The following DST variants were observed in gnomAD, a reference collection of about 807,000 sequenced individuals.
DST encodes bullous pemphigoid antigen.
DST carries 253 observed loss-of-function variants against 875.2 expected under a neutral mutation model. That is an observed-to-expected ratio of 0.29 (90% CI 0.26 to 0.32). The LOEUF is 0.32. Ranked by LOEUF, DST falls within the 10% of genes least tolerant of loss-of-function variation. The pLI is 1.00. For missense variants in DST, 8,287 were observed against 9,111.6 expected, an observed-to-expected ratio of 0.91 and a Z score of 3.68; for synonymous variants, 3,124 against 3,197.1, an observed-to-expected ratio of 0.98 and a Z score of 0.77.
intron 2 of DST, among the ~76,000 whole-genome samples, chr6:56,937,428 G>C (rs1034744290): frequency 6.6e-6 from 1 of 152,180 alleles, no homozygotes; most frequent in Non-Finnish European, 1.5e-5. Context: ...AACATCATTA[G>C]TCTTTAGGGA....
At chr6:56,900,682 C>T in intron 2 of DST, 61 bp from the exon 3 acceptor site, 1 of 1,257,010 alleles carries the variant, frequency 8.0e-7, no homozygotes, top group East Asian at 5.0e-5. Flanking sequence ...TGGAAGTTCT[C>T]CATGGCTAGT....
At chr6:56,899,243 T>C (rs557243540) in intron 3 of DST, among the ~76,000 whole-genome samples, 2 of 152,368 alleles carry the variant, frequency 1.3e-5, no homozygotes, top group Non-Finnish European at 2.9e-5. Context: ...GCATGTTTGT[T>C]GAATGAGTAA....
At chr6:56,591,698 C>T (rs570643683) in intron 49 of DST, among the ~76,000 whole-genome samples, 2 of 152,116 alleles carry the variant, frequency 1.3e-5, no homozygotes, top group Non-Finnish European at 2.9e-5. Flanking sequence ...GAAGGCTGGG[C>T]GCGGTGGTTC....
At chr6:56,761,214 C>A (rs2099616434) in intron 4 of DST, among the ~76,000 whole-genome samples, 1 of 152,216 alleles carries the variant, frequency 6.6e-6, no homozygotes, top group African/African-American at 2.4e-5. Context: ...CCAGTCAAGC[C>A]TTCAGAGGAC....
rs2097721572 is a variant in DST at position 56,568,553 on chromosome 6, T to G, written c.13921A>C (p.Lys4641Gln). 1.2e-6 allele frequency: 2 copies of G among 1,612,324 alleles called. No individual in the cohort carries two copies. Among genetic ancestry groups the G allele is most frequent in the Admixed American group, 1.7e-5 (1 of 59,896 alleles). ...KWSLKTPEIQ[K>Q]VNNSGISLCN... The stretch of plus-strand genomic sequence containing the variant: ...AGTGAGATCCCACTGTTGTTTACTT[T>G]CTGAATCTCTGGTGTTTTTAAACTC... The change falls in exon 55 of 104, where the codon AAA becomes CAA. Residue 4641 changes from lysine (K) to glutamine (Q), a missense_variant. Physicochemically the swap from Lys to Gln is moderately conservative, Grantham distance 53 (BLOSUM62 1). Coordinates refer to ENST00000680361, the MANE Select transcript of DST (RefSeq NM_001374736.1).
At chr6:56,489,440 A>C (rs771736769) in intron 86 of DST, 50 bp downstream of exon 86, 1 of 1,560,430 alleles carries the variant, frequency 6.4e-7, no homozygotes, top group Admixed American at 1.9e-5. Context: ...TTTTAAAGTG[A>C]TCTTGAACTA....
chr6:56,947,375 C>T (rs907133888), intron 2 of DST, among the ~76,000 whole-genome samples: 24 of 151,966 alleles, frequency 1.6e-4, no homozygotes, highest in Non-Finnish European at 3.2e-4. Flanking sequence ...CTCAGCCTCC[C>T]GAGTAGCTAG....
At chr6:56,690,339 C>G (rs1482707471) in intron 9 of DST, among the ~76,000 whole-genome samples, 1 of 152,132 alleles carries the variant, frequency 6.6e-6, no homozygotes, top group Admixed American at 6.5e-5. Context: ...ATCTAATATA[C>G]TCCTTTTTTA....
chr6:56,776,648 T>A lies in DST; in HGVS notation c.626-41359A>T, dbSNP rs576772081. On this transcript the variant is annotated intron_variant, in intron 4 of 103. Transcript: ENST00000680361. ...TTCTAAAATTAAAAGTTTATTAAAA[T>A]TTTTTTTAATTTCAAAAGGGTCACA... Among the ~76,000 whole-genome samples, 7 of 152,172 alleles carry A rather than the reference T, an allele frequency of 4.6e-5. No homozygotes were observed. In the East Asian group the frequency reaches 7.7e-4, roughly 17 times the overall value.
chr6:56,513,717 C>G (rs2096530786), intron 72 of DST, among the ~76,000 whole-genome samples: 2 of 152,136 alleles, frequency 1.3e-5, no homozygotes, highest in Non-Finnish European at 2.9e-5. Flanking sequence ...CAAGAGAACA[C>G]CTACCAGCCA....
chr6:56,605,424 T>C lies in DST; in HGVS notation c.9204A>G (p.Glu3068=). The change falls in exon 40 of 104, where the codon GAA becomes GAG. Residue 3068 remains glutamate, a synonymous_variant. Coordinates refer to ENST00000680361, the MANE Select transcript of DST (RefSeq NM_001374736.1). ...GCAAAAGTTTGAGATGCCTATTTTC[T>C]TCTTCTACTAGACCTTCTACAAGCA... ...GEVLVEGLVE[E]ENRHLKLLPG... is the part of the protein sequence containing the mutation. The C allele has an allele frequency of 5.6e-6, 9 of 1,612,952 alleles. No homozygotes were observed. The highest frequency in any genetic ancestry group is 7.6e-6 in the Non-Finnish European group (9 of 1,179,310).
chr6:56,797,818 CAAAAAA>C (rs34649685), intron 4 of DST, among the ~76,000 whole-genome samples: 1 of 60,824 alleles, frequency 1.6e-5, no homozygotes, highest in African/African-American at 5.9e-5. Flanking sequence ...AACTCCGTCT[CAAAAAA>C]AAAAAAAAAA....
intron 67 of DST, 110 bp downstream of exon 67, chr6:56,528,731 G>A (rs1025391374): frequency 2.6e-5 from 20 of 763,942 alleles, no homozygotes; most frequent in East Asian, 5.4e-5. Flanking sequence ...TAAAAGTCTT[G>A]GAATGGACCA....
intron 5 of DST, among the ~76,000 whole-genome samples, chr6:56,711,983 C>G (rs34255101): frequency 1.4e-5 from 2 of 147,238 alleles, no homozygotes; most frequent in Admixed American, 1.3e-4. Flanking sequence ...CCCAGCTACT[C>G]GGGAGGCTGA....
At chr6:56,710,735 A>C (rs2099359949) in intron 5 of DST, among the ~76,000 whole-genome samples, 1 of 152,220 alleles carries the variant, frequency 6.6e-6, no homozygotes, top group Non-Finnish European at 1.5e-5. Context: ...TTTCATTACA[A>C]ATTTATTTCA....
chr6:56,533,250 T>C (rs989896494), intron 63 of DST, among the ~76,000 whole-genome samples: 1 of 152,252 alleles, frequency 6.6e-6, no homozygotes, highest in Admixed American at 6.5e-5. Context: ...ATGTTTGCTA[T>C]AATTAGCCTT....
At chr6:56,742,366 C>A in intron 4 of DST, 4 of 1,289,602 alleles carry the variant, frequency 3.1e-6, no homozygotes, top group Non-Finnish European at 4.0e-6. Context: ...TGCAGCAGTT[C>A]CCTAAACTCT....
Position 56,857,595 on chromosome 6 carries a change from T to C in DST, c.418-5991A>G, listed in dbSNP as rs369218531. Among the ~76,000 whole-genome samples, 13 of 152,316 alleles carry C rather than the reference T, an allele frequency of 8.5e-5. No individual in the cohort carries two copies. In the East Asian group the frequency reaches 2.1e-3, roughly 25 times the overall value. On this transcript the variant is annotated intron_variant, in intron 3 of 103. Coordinates refer to ENST00000680361, the MANE Select transcript of DST (RefSeq NM_001374736.1). ...CTATTCATTTATTAATAATGTACAA[T>C]ACAGTGAACACAACATAGGTTCAGC...
At chr6:56,570,341 C>T (rs1009001068) in intron 53 of DST, among the ~76,000 whole-genome samples, 11 of 152,064 alleles carry the variant, frequency 7.2e-5, no homozygotes, top group South Asian at 4.2e-4. Flanking sequence ...TTATGCAACT[C>T]GCCATAATGT....
Sources: allele counts gnomAD v4.1 joint callset (sites outside exome capture counted in the v4.1 genomes callset), GRCh38; gene constraint gnomAD v4.1.1; transcripts MANE v1.5; gene names NCBI Gene and HGNC (gene_info 2026-07-23, HGNC 2026-07-21).